Variants in CLSTN2 observed in about 807,000 individuals in gnomAD.
The protein encoded by CLSTN2 is calsyntenin-2.
Under a neutral mutation model 101.2 loss-of-function variants are expected in CLSTN2, and 48 were observed. That is an observed-to-expected ratio of 0.47 (90% CI 0.38 to 0.60). CLSTN2 has a LOEUF of 0.60. CLSTN2 is among the 20% of genes least tolerant of loss of function. CLSTN2 has a pLI of 0.00. For synonymous variants in CLSTN2, 481 were observed against 463.6 expected (o/e 1.04, Z -0.48); for missense variants, 1,160 against 1,238.2 (o/e 0.94, Z 0.95).
chr3:140,301,094 A>G (rs1259550500), intron 2 of CLSTN2, among the ~76,000 whole-genome samples: 1 of 152,174 alleles, frequency 6.6e-6, no homozygotes, highest in Non-Finnish European at 1.5e-5. Context: ...AAAAGATTGA[A>G]TGATGCCCAT....
chr3:140,429,995 G>T (rs1423000291), intron 5 of CLSTN2, among the ~76,000 whole-genome samples: 1 of 152,042 alleles, frequency 6.6e-6, no homozygotes, highest in Non-Finnish European at 1.5e-5. Context: ...GGGGTCAGCT[G>T]GTCACCTTGC....
At chr3:140,461,750 CT>C (rs1168104944) in intron 7 of CLSTN2, among the ~76,000 whole-genome samples, 1 of 152,126 alleles carries the variant, frequency 6.6e-6, no homozygotes, top group Non-Finnish European at 1.5e-5. Flanking sequence ...TTGGCCTCAA[CT>C]GTCATCCCAG....
At chr3:140,184,771 A>G (rs1308717112) in intron 2 of CLSTN2, among the ~76,000 whole-genome samples, 1 of 152,178 alleles carries the variant, frequency 6.6e-6, no homozygotes, top group Non-Finnish European at 1.5e-5. Context: ...TCCCTATTCT[A>G]GAGACCCCCA....
At chr3:140,322,320 T>C (rs1263142071) in intron 2 of CLSTN2, among the ~76,000 whole-genome samples, 1 of 152,160 alleles carries the variant, frequency 6.6e-6, no homozygotes, top group Non-Finnish European at 1.5e-5. Context: ...TGAATAAACA[T>C]GTATTGAGCA....
At chr3:140,082,544 C>A (rs901643124) in intron 1 of CLSTN2, among the ~76,000 whole-genome samples, 1 of 152,138 alleles carries the variant, frequency 6.6e-6, no homozygotes, top group Non-Finnish European at 1.5e-5. Context: ...CCCACTGTGG[C>A]ACCCACTACT....
Position 139,935,194 on chromosome 3 carries a change from G to C in CLSTN2, c.-181G>C. On this transcript the variant is annotated 5_prime_UTR_variant, in exon 1 of 17. Coordinates refer to ENST00000458420, the MANE Select transcript of CLSTN2 (RefSeq NM_022131.3). The surrounding 1 kb of genome is among the most constrained non-coding windows in gnomAD (Gnocchi z 5.5). ...GCTCCGGGTCCGCGCCAGTGAGCGC[G>C]GCTGCTGCCGGCGAGCTAGCGGCGC... 3.1e-6 allele frequency: 1 copy of C among 327,336 alleles called. No homozygotes were observed. The highest frequency in any genetic ancestry group is 5.5e-6 in the Non-Finnish European group (1 of 181,356). 20.3% of individuals were successfully genotyped at this position (327,336 alleles called of 1,614,324 possible).
At chr3:140,190,581 C>T (rs1040140893) in intron 2 of CLSTN2, among the ~76,000 whole-genome samples, 2 of 151,710 alleles carry the variant, frequency 1.3e-5, no homozygotes, top group African/African-American at 4.8e-5. Flanking sequence ...CATGTGTTTA[C>T]ATTTCTTTTC....
intron 5 of CLSTN2, among the ~76,000 whole-genome samples, chr3:140,429,809 A>T (rs2088609853): frequency 6.6e-6 from 1 of 152,176 alleles, no homozygotes; most frequent in Admixed American, 6.5e-5. Context: ...GTGGGCATCA[A>T]GGTTAGATTT....
intron 2 of CLSTN2, among the ~76,000 whole-genome samples, chr3:140,383,780 G>T (rs952210951): frequency 2.0e-5 from 3 of 152,172 alleles, no homozygotes; most frequent in Non-Finnish European, 4.4e-5. Context: ...TAGCATAAGG[G>T]TATTTACCAT....
intron 8 of CLSTN2, among the ~76,000 whole-genome samples, chr3:140,471,624 T>C (rs1933850810): frequency 6.6e-6 from 1 of 152,184 alleles, no homozygotes; most frequent in Non-Finnish European, 1.5e-5. Flanking sequence ...TTACATATCC[T>C]TGGGAGCATC....
At chr3:140,147,588 A>G (rs542120368) in intron 1 of CLSTN2, among the ~76,000 whole-genome samples, 73 of 152,276 alleles carry the variant, frequency 4.8e-4, no homozygotes, top group Non-Finnish European at 9.1e-4. Context: ...AAAAAAAATG[A>G]TTTTCATTGA....
chr3:140,210,663 T>A, intron 2 of CLSTN2, among the ~76,000 whole-genome samples: 1 of 152,158 alleles, frequency 6.6e-6, no homozygotes, highest in East Asian at 1.9e-4. Context: ...ATCCACACTG[T>A]GTCTGGACCA....
At chr3:140,402,505 G>A (rs988467946) in intron 2 of CLSTN2, among the ~76,000 whole-genome samples, 19 of 152,184 alleles carry the variant, frequency 1.2e-4, no homozygotes, top group Non-Finnish European at 2.8e-4. Context: ...TTGGTGCCTG[G>A]TGCAGAGCAA....
intron 2 of CLSTN2, among the ~76,000 whole-genome samples, chr3:140,366,938 C>T (rs78502373): frequency 0.076 from 11,521 of 152,200 alleles, 520 homozygotes; most frequent in Middle Eastern, 0.12. Context: ...AGCAGGGGCT[C>T]GGCAGCATCT....
chr3:140,001,580 G>C (rs1393491912), intron 1 of CLSTN2, among the ~76,000 whole-genome samples: 2 of 151,884 alleles, frequency 1.3e-5, no homozygotes, highest in Non-Finnish European at 2.9e-5. Context: ...ATAAAGTGGG[G>C]TATCTATCCC....
intron 2 of CLSTN2, among the ~76,000 whole-genome samples, chr3:140,345,942 A>G (rs1472526196): frequency 5.9e-5 from 9 of 152,182 alleles, no homozygotes; most frequent in Admixed American, 6.5e-5. Context: ...CTGGTTCAAT[A>G]TGGTACACTT....
chr3:140,490,999 TAAG>T (rs771175295), intron 8 of CLSTN2, among the ~76,000 whole-genome samples: 1 of 152,198 alleles, frequency 6.6e-6, no homozygotes, highest in African/African-American at 2.4e-5. Flanking sequence ...ACCTGTTCAT[TAAG>T]AAGATTTTAG....
At chr3:140,180,339 G>T (rs1280788536) in intron 2 of CLSTN2, among the ~76,000 whole-genome samples, 1 of 152,070 alleles carries the variant, frequency 6.6e-6, no homozygotes, top group Non-Finnish European at 1.5e-5. Context: ...TTTCATCTCT[G>T]CCCTACCTGA....
chr3:139,965,313 T>G (rs1230179081), intron 1 of CLSTN2, among the ~76,000 whole-genome samples: 1 of 152,198 alleles, frequency 6.6e-6, no homozygotes, highest in Non-Finnish European at 1.5e-5. Flanking sequence ...CTCTTAACTT[T>G]TGCAGTGTCT....
Sources: allele counts gnomAD v4.1 joint callset (sites outside exome capture counted in the v4.1 genomes callset), GRCh38; gene constraint gnomAD v4.1.1; non-coding constraint Gnocchi (gnomAD v3.1); transcripts MANE v1.5; gene names NCBI Gene and HGNC (gene_info 2026-07-23, HGNC 2026-07-21).